The following CLSTN2 variants were observed in gnomAD, a reference collection of about 807,000 sequenced individuals.
CLSTN2 encodes the protein calsyntenin 2.
A neutral mutation model predicts 101.2 loss-of-function variants in CLSTN2; 48 were observed. The ratio of observed to expected loss-of-function variants is 0.47; its 90% CI spans 0.38 to 0.60. The LOEUF is 0.60. Among genes scored for constraint, CLSTN2 ranks in the 20% least tolerant of loss-of-function variants. The pLI, the probability that CLSTN2 is intolerant of heterozygous loss-of-function variation, is 0.00. For synonymous variants in CLSTN2, 481 were observed against 463.6 expected, an observed-to-expected ratio of 1.04 and a Z score of -0.48; for missense variants, 1,160 against 1,238.2, an observed-to-expected ratio of 0.94 and a Z score of 0.95.
At chr3:140,168,244 T>C (rs778404899) in intron 1 of CLSTN2, among the ~76,000 whole-genome samples, 4 of 152,190 alleles carry the variant, frequency 2.6e-5, no homozygotes, top group South Asian at 2.1e-4. Flanking sequence ...TGATATCCCA[T>C]TGTGGCTTCA....
intron 2 of CLSTN2, among the ~76,000 whole-genome samples, chr3:140,400,740 A>G (rs774539177): frequency 1.2e-4 from 18 of 151,910 alleles, no homozygotes; most frequent in South Asian, 2.1e-4. Context: ...GATTAAAACC[A>G]AGCTCAGGAT....
intron 2 of CLSTN2, among the ~76,000 whole-genome samples, chr3:140,292,622 T>G (rs2086966043): frequency 6.6e-6 from 1 of 152,212 alleles, no homozygotes. Flanking sequence ...TCATGCAAGT[T>G]GCACAGTCAG....
chr3:140,031,070 T>G (rs1348865323), intron 1 of CLSTN2, among the ~76,000 whole-genome samples: 1 of 152,228 alleles, frequency 6.6e-6, no homozygotes, highest in Non-Finnish European at 1.5e-5. Context: ...AAGGCTAGGA[T>G]GCCCTTCTGC....
chr3:140,304,971 T>C (rs1245328382), intron 2 of CLSTN2, among the ~76,000 whole-genome samples: 1 of 152,082 alleles, frequency 6.6e-6, no homozygotes, highest in African/African-American at 2.4e-5. Context: ...AGGCGAGCTA[T>C]GCATGATAGT....
intron 4 of CLSTN2, among the ~76,000 whole-genome samples, chr3:140,409,733 A>G (rs2088342049): frequency 6.6e-6 from 1 of 152,206 alleles, no homozygotes; most frequent in Non-Finnish European, 1.5e-5. Context: ...ATTCCTGATA[A>G]GAATTTGAAC....
At chr3:140,067,418 C>T (rs1168394067) in intron 1 of CLSTN2, among the ~76,000 whole-genome samples, 1 of 152,200 alleles carries the variant, frequency 6.6e-6, no homozygotes, top group Non-Finnish European at 1.5e-5. Flanking sequence ...CTCTGCAGTT[C>T]TGTGCCGATA....
intron 1 of CLSTN2, among the ~76,000 whole-genome samples, chr3:139,941,178 G>A (rs1935120124): frequency 6.6e-6 from 1 of 152,130 alleles, no homozygotes; most frequent in East Asian, 1.9e-4. Flanking sequence ...TGTGGAAATG[G>A]TTCCCTGGGA....
chr3:140,162,533 A>C lies in CLSTN2; in HGVS notation c.110-13418A>C, dbSNP rs115441080. Reference sequence around the variant, plus strand: ...GAATGCAGACATGTGGATGCAAATAAAAGCAAATTCTCTGATAGACTGACA... The same window carrying C: ...GAATGCAGACATGTGGATGCAAATACAAGCAAATTCTCTGATAGACTGACA... On this transcript the variant is annotated intron_variant, in intron 1 of 16. Coordinates refer to ENST00000458420, the MANE Select transcript of CLSTN2 (RefSeq NM_022131.3). 4.5e-3 allele frequency among the ~76,000 whole-genome samples: 687 copies of C among 152,250 alleles called. 2 individuals are homozygous for C. The highest frequency in any genetic ancestry group is 0.01 in the Middle Eastern group (3 of 294).
chr3:140,564,078 A>C lies in CLSTN2; in HGVS notation c.2600A>C (p.Glu867Ala). 1 of 1,614,130 alleles carries C rather than the reference A, an allele frequency of 6.2e-7. No homozygotes were observed. Among genetic ancestry groups the C allele is most frequent in the African/African-American group, 1.3e-5 (1 of 75,050 alleles). ...IAHQHFIQET[E>A]AAKESEMDWD... ...CACCAGCACTTCATCCAGGAGACTG[A>C]GGCTGCCAAGGAATCTGAGATGGAC... Residue 867 changes from glutamate to alanine, a missense_variant, in exon 16 of 17, where the codon GAG becomes GCG. Coordinates refer to ENST00000458420, the MANE Select transcript of CLSTN2 (RefSeq NM_022131.3).
chr3:140,357,520 A>G (rs1262263778), intron 2 of CLSTN2, among the ~76,000 whole-genome samples: 1 of 151,400 alleles, frequency 6.6e-6, no homozygotes, highest in Non-Finnish European at 1.5e-5. Flanking sequence ...AGACCCACAG[A>G]GGCCCTCTGG....
chr3:139,937,169 C>G (rs1935037150), intron 1 of CLSTN2, among the ~76,000 whole-genome samples: 1 of 152,092 alleles, frequency 6.6e-6, no homozygotes, highest in African/African-American at 2.4e-5. Flanking sequence ...CAGATGTCTG[C>G]AAACGGGAGT....
At chr3:140,319,355 G>C (rs2087259853) in intron 2 of CLSTN2, among the ~76,000 whole-genome samples, 1 of 152,136 alleles carries the variant, frequency 6.6e-6, no homozygotes, top group Admixed American at 6.5e-5. Context: ...TCCTAAAGTG[G>C]CTGCCAGTGG....
chr3:140,095,022 T>C (rs1192375277), intron 1 of CLSTN2, among the ~76,000 whole-genome samples: 3 of 152,174 alleles, frequency 2.0e-5, no homozygotes, highest in Non-Finnish European at 4.4e-5. Context: ...GAACTTTAAG[T>C]AGATTTTATT....
chr3:140,362,586 G>C (rs547571998), intron 2 of CLSTN2, among the ~76,000 whole-genome samples: 1 of 152,220 alleles, frequency 6.6e-6, no homozygotes, highest in Admixed American at 6.5e-5. Flanking sequence ...CTTGAATGCA[G>C]AATATATAAA....
rs533707413 is a variant in CLSTN2 at position 140,366,466 on chromosome 3, T to C, written c.233-37163T>C. Among the ~76,000 whole-genome samples, 32 of 152,300 alleles carry C rather than the reference T, an allele frequency of 2.1e-4. No homozygotes were observed. In the South Asian group the frequency reaches 6.6e-3, roughly 32 times the overall value. Reference sequence around the variant, plus strand: ...AATATGTCAGTCTAAACCAAGACACTAAAATGCATGGCAGCAGGCCAAACC... The same window carrying C: ...AATATGTCAGTCTAAACCAAGACACCAAAATGCATGGCAGCAGGCCAAACC... On this transcript the variant is annotated intron_variant, in intron 2 of 16. Transcript: ENST00000458420.
At chr3:140,413,176 C>T (rs1262924443) in intron 4 of CLSTN2, among the ~76,000 whole-genome samples, 2 of 151,686 alleles carry the variant, frequency 1.3e-5, no homozygotes, top group African/African-American at 4.8e-5. Context: ...AGACAAGACT[C>T]AAATAGATGA....
intron 5 of CLSTN2, among the ~76,000 whole-genome samples, chr3:140,444,658 A>T (rs931931825): frequency 6.6e-6 from 1 of 152,126 alleles, no homozygotes; most frequent in African/African-American, 2.4e-5. Context: ...TAATATATCT[A>T]TTGGTCATGG....
chr3:140,016,894 G>A (rs894501561), intron 1 of CLSTN2, among the ~76,000 whole-genome samples: 1 of 151,666 alleles, frequency 6.6e-6, no homozygotes, highest in African/African-American at 2.4e-5. Flanking sequence ...TATGTTATCT[G>A]TAAGCTTCCA....
At chr3:140,127,618 C>A (rs906536178) in intron 1 of CLSTN2, among the ~76,000 whole-genome samples, 1 of 152,118 alleles carries the variant, frequency 6.6e-6, no homozygotes, top group Non-Finnish European at 1.5e-5. Context: ...GGAATCACAG[C>A]TCTTGGGCCC....
Sources: gnomAD v4.1 joint callset for allele counts (sites outside exome capture counted in the v4.1 genomes callset) on GRCh38, gnomAD v4.1.1 for gene constraint, MANE v1.5 for transcripts, NCBI Gene and HGNC (gene_info 2026-07-23, HGNC 2026-07-21) for gene names.